Variants in RTN1 observed in about 807,000 individuals in gnomAD.
RTN1 encodes the protein reticulon-1.
Under a neutral mutation model 65.5 loss-of-function variants are expected in RTN1, and 25 were observed. That is an observed-to-expected ratio of 0.38 (90% CI 0.28 to 0.53). The LOEUF (loss-of-function observed/expected upper bound fraction) is 0.53, where lower values mean the gene tolerates loss of function less well. RTN1 is among the 20% of genes least tolerant of loss of function. The probability of loss-of-function intolerance (pLI) is 0.79; values close to 1 mark genes in which losing one functional copy is unlikely to be tolerated. For synonymous variants in RTN1, 471 were observed against 447.6 expected (o/e 1.05, Z -0.66); for missense variants, 983 against 1,025.4 (o/e 0.96, Z 0.57).
intron 3 of RTN1, among the ~76,000 whole-genome samples, chr14:59,710,045 CTTTT>C (rs11353177): frequency 1.8e-5 from 2 of 110,764 alleles, no homozygotes; most frequent in African/African-American, 3.4e-5. Context: ...CTCTTTCTTT[CTTTT>C]TTTTTTTTTT....
intron 3 of RTN1, among the ~76,000 whole-genome samples, chr14:59,680,247 T>C (rs567797946): frequency 6.6e-6 from 1 of 152,158 alleles, no homozygotes; most frequent in South Asian, 2.1e-4. Context: ...AATAGACAAT[T>C]GTTGCTTAAT....
chr14:59,835,391 T>C (rs1447680364), intron 1 of RTN1, among the ~76,000 whole-genome samples: 1 of 152,154 alleles, frequency 6.6e-6, no homozygotes, highest in Non-Finnish European at 1.5e-5. Flanking sequence ...ATTGTGGTAA[T>C]GATTTCACAG....
chr14:59,608,600 A>T (rs726462), intron 3 of RTN1, among the ~76,000 whole-genome samples: 42,813 of 152,066 alleles, frequency 0.28, 6,152 homozygotes, highest in Middle Eastern at 0.39. Context: ...CTGGAGAGTA[A>T]ATCAGGTCTA....
intron 3 of RTN1, among the ~76,000 whole-genome samples, chr14:59,709,842 C>T (rs1019722662): frequency 3.3e-5 from 5 of 152,228 alleles, no homozygotes; most frequent in Admixed American, 6.5e-5. Flanking sequence ...ATGTTTATCA[C>T]GGGAAGAACA....
At chr14:59,652,325 C>G (rs1883035809) in intron 3 of RTN1, among the ~76,000 whole-genome samples, 2 of 152,172 alleles carry the variant, frequency 1.3e-5, no homozygotes, top group Non-Finnish European at 2.9e-5. Flanking sequence ...AATCTCATTA[C>G]TAGGTATATA....
At chr14:59,697,091 T>C (rs1418006626) in intron 3 of RTN1, among the ~76,000 whole-genome samples, 1 of 152,212 alleles carries the variant, frequency 6.6e-6, no homozygotes, top group East Asian at 1.9e-4. Context: ...ATCAGGAAGA[T>C]AACATTTCAT....
intron 3 of RTN1, among the ~76,000 whole-genome samples, chr14:59,611,785 T>C (rs770778684): frequency 2.0e-5 from 3 of 152,200 alleles, no homozygotes; most frequent in Non-Finnish European, 2.9e-5. Flanking sequence ...AGGGATACTC[T>C]TGGAGTTCTT....
At chr14:59,800,559 C>G (rs1054843220) in intron 1 of RTN1, among the ~76,000 whole-genome samples, 1 of 152,078 alleles carries the variant, frequency 6.6e-6, no homozygotes, top group African/African-American at 2.4e-5. Flanking sequence ...CACCACCACG[C>G]CTGGCTAACT....
chr14:59,749,644 T>TAG lies in RTN1; in HGVS notation c.242-3164_242-3163insCT, dbSNP rs1885381063. Among the ~76,000 whole-genome samples, 5 of 65,868 alleles carry TAG rather than the reference T, an allele frequency of 7.6e-5. No homozygotes were observed. In the South Asian group the frequency reaches 1.7e-3, roughly 22 times the overall value. The allele number at this position is 65,868 out of a possible 152,430, so 43.2% of individuals were successfully genotyped here. On this transcript the variant is annotated intron_variant, in intron 1 of 8. Transcript: ENST00000267484. Reference sequence around the variant, plus strand: ...AGATATCTATATATAGATATCTATATATATTTATATAGATATCTATATATA... The same window carrying TAG: ...AGATATCTATATATAGATATCTATATAGATATTTATATAGATATCTATATATA...
chr14:59,760,706 C>T (rs1257810980), intron 1 of RTN1, among the ~76,000 whole-genome samples: 1 of 152,214 alleles, frequency 6.6e-6, no homozygotes, highest in African/African-American at 2.4e-5. Context: ...TTTGTTTTCC[C>T]TGCACTGTGA....
In RTN1 at chr14:59,726,146, G is replaced by A. The variant is rs554987392; in HGVS notation, c.1765+773C>T. ...CCATAAGACAACTGCAATCAGGTGC[G>A]GTGAACGATTTTTGGGGAAGAATCT... On this transcript the variant is annotated intron_variant, in intron 3 of 8. Transcript: ENST00000267484. Among the ~76,000 whole-genome samples the A allele has an allele frequency of 2.6e-5, 4 of 152,274 alleles. No individual in the cohort carries two copies. The East Asian group carries it at 5.8e-4, about 22-fold the overall frequency.
In RTN1 at chr14:59,829,384, C is replaced by T. The variant is rs1887087546; in HGVS notation, c.241+41006G>A. Reference sequence around the variant, plus strand: ...AATTAAGGTATGCATTAAAAAACACCTCTATTAGTCAAAATAGAATAGTTA... The same window carrying T: ...AATTAAGGTATGCATTAAAAAACACTTCTATTAGTCAAAATAGAATAGTTA... On this transcript the variant is annotated intron_variant, in intron 1 of 8. Transcript: ENST00000267484. The surrounding 1 kb of genome is among the most constrained non-coding windows in gnomAD (Gnocchi z 4.3). Among the ~76,000 whole-genome samples the T allele has an allele frequency of 6.6e-6, 1 of 152,142 alleles. No individual in the cohort carries two copies. The highest frequency in any genetic ancestry group is 6.5e-5 in the Admixed American group (1 of 15,278).
intron 1 of RTN1, among the ~76,000 whole-genome samples, chr14:59,862,366 C>T (rs1244032170): frequency 6.6e-6 from 1 of 152,052 alleles, no homozygotes; most frequent in African/African-American, 2.4e-5. Context: ...CTCCTATTTT[C>T]ACCTTTCTTC....
chr14:59,642,594 T>TGTGAC (rs1334227370), intron 3 of RTN1, among the ~76,000 whole-genome samples: 2 of 152,218 alleles, frequency 1.3e-5, no homozygotes, highest in African/African-American at 4.8e-5. Flanking sequence ...GTTCAAAGTC[T>TGTGAC]TATTAAACAT....
intron 3 of RTN1, among the ~76,000 whole-genome samples, chr14:59,658,267 A>C (rs1237641236): frequency 6.6e-6 from 1 of 152,188 alleles, no homozygotes; most frequent in Admixed American, 6.5e-5. Context: ...CTTATAGATA[A>C]AACTCCCAGT....
intron 1 of RTN1, among the ~76,000 whole-genome samples, chr14:59,826,501 GT>G (rs1395772353): frequency 6.6e-6 from 1 of 152,150 alleles, no homozygotes; most frequent in Non-Finnish European, 1.5e-5. Flanking sequence ...TTATGTGACT[GT>G]CATTTACAGA....
chr14:59,787,131 A>C (rs1886262714), intron 1 of RTN1, among the ~76,000 whole-genome samples: 1 of 152,258 alleles, frequency 6.6e-6, no homozygotes, highest in African/African-American at 2.4e-5. Flanking sequence ...AACCTGAAAC[A>C]CATCTCCCCA....
intron 3 of RTN1, among the ~76,000 whole-genome samples, chr14:59,676,390 A>G (rs1167179886): frequency 6.6e-6 from 1 of 152,200 alleles, no homozygotes; most frequent in African/African-American, 2.4e-5. Flanking sequence ...CATCATCATC[A>G]TTTGTAACTG....
At chr14:59,845,951 G>A (rs1454475245) in intron 1 of RTN1, among the ~76,000 whole-genome samples, 3 of 152,050 alleles carry the variant, frequency 2.0e-5, no homozygotes, top group Admixed American at 6.6e-5. Flanking sequence ...ATACATATCC[G>A]CACTATAGTA....
Sources: allele counts gnomAD v4.1 joint callset (sites outside exome capture counted in the v4.1 genomes callset), GRCh38; gene constraint gnomAD v4.1.1; non-coding constraint Gnocchi (gnomAD v3.1); transcripts MANE v1.5; gene names NCBI Gene and HGNC (gene_info 2026-07-23, HGNC 2026-07-21).